Variants in ADGRB3 observed in about 807,000 individuals in gnomAD.
ADGRB3 encodes the protein adhesion G protein-coupled receptor B3, also known as brain-specific angiogenesis inhibitor 3.
Under a neutral mutation model 193.4 loss-of-function variants are expected in ADGRB3, and 37 were observed. That is an observed-to-expected ratio of 0.19 (90% confidence interval 0.15 to 0.25). The LOEUF is 0.25. Ranked by LOEUF, ADGRB3 falls within the 10% of genes least tolerant of loss-of-function variation. The pLI, the probability that ADGRB3 is intolerant of heterozygous loss-of-function variation, is 1.00. For missense variants in ADGRB3, 1,637 were observed against 1,852.9 expected, an observed-to-expected ratio of 0.88 and a Z score of 2.14; for synonymous variants, 690 against 644.2, an observed-to-expected ratio of 1.07 and a Z score of -1.08.
intron 3 of ADGRB3, among the ~76,000 whole-genome samples, chr6:68,899,750 A>G (rs1202070359): frequency 6.6e-6 from 1 of 152,174 alleles, no homozygotes; most frequent in East Asian, 1.9e-4. Context: ...GGACTAAAAC[A>G]TTAAATATTA....
intron 3 of ADGRB3, among the ~76,000 whole-genome samples, chr6:68,640,898 G>T (rs1235480640): frequency 6.6e-6 from 1 of 152,218 alleles, no homozygotes; most frequent in Admixed American, 6.5e-5. Flanking sequence ...AAAGATTTCT[G>T]CAGGTCAGTG....
chr6:68,955,833 A>C (rs1768055902), intron 6 of ADGRB3, among the ~76,000 whole-genome samples, 191 bp from the exon 7 acceptor site: 1 of 152,188 alleles, frequency 6.6e-6, no homozygotes, highest in Non-Finnish European at 1.5e-5. Context: ...ATAAAATAAA[A>C]TAAAAGTGGG....
intron 3 of ADGRB3, among the ~76,000 whole-genome samples, chr6:68,792,313 A>G (rs1767122525): frequency 6.6e-6 from 1 of 152,232 alleles, no homozygotes; most frequent in East Asian, 1.9e-4. Flanking sequence ...AGAAAAGTCA[A>G]ACCGAACAGT....
intron 26 of ADGRB3, among the ~76,000 whole-genome samples, chr6:69,350,338 T>G (rs1211360602): frequency 6.6e-6 from 1 of 151,928 alleles, no homozygotes; most frequent in African/African-American, 2.4e-5. Flanking sequence ...TAGATTGCCT[T>G]AAAGTCTCCT....
chr6:69,009,994 T>A (rs1413536827), intron 11 of ADGRB3, among the ~76,000 whole-genome samples: 2 of 152,150 alleles, frequency 1.3e-5, no homozygotes, highest in Non-Finnish European at 2.9e-5. Context: ...AAAACAGAAT[T>A]TTTTATTGCT....
rs1270654338 is a variant in ADGRB3 at position 69,127,407 on chromosome 6, T to C, written c.2480+51369T>C. Among the ~76,000 whole-genome samples, 4 of 152,226 alleles carry C rather than the reference T, an allele frequency of 2.6e-5. No homozygotes were observed. In the East Asian group the frequency reaches 7.7e-4, roughly 29 times the overall value. Reference sequence around the variant, plus strand: ...GGATGTCACAGAACTGTGGAATCATTTCCTGCTTATTGTCCTTTCTTTAAT... The same window carrying C: ...GGATGTCACAGAACTGTGGAATCATCTCCTGCTTATTGTCCTTTCTTTAAT... On this transcript the variant is annotated intron_variant, in intron 17 of 31. Transcript: ENST00000370598.
At chr6:69,002,222 CTTTTT>C (rs11284011) in intron 11 of ADGRB3, among the ~76,000 whole-genome samples, 1 of 138,500 alleles carries the variant, frequency 7.2e-6, no homozygotes. Context: ...CATCTTTTAT[CTTTTT>C]TTTTTTTTTT....
chr6:68,640,753 G>A (rs1043979052), intron 3 of ADGRB3, among the ~76,000 whole-genome samples: 4 of 152,180 alleles, frequency 2.6e-5, no homozygotes, highest in African/African-American at 4.8e-5. Flanking sequence ...ATGGAGAACC[G>A]AAATAGCCTA....
At chr6:68,681,386 T>G (rs925171372) in intron 3 of ADGRB3, among the ~76,000 whole-genome samples, 3 of 152,088 alleles carry the variant, frequency 2.0e-5, no homozygotes, top group African/African-American at 4.8e-5. Context: ...CTCAAGTGAT[T>G]CTCCCACCTC....
chr6:68,910,502 T>A (rs976202949), intron 3 of ADGRB3, among the ~76,000 whole-genome samples: 26 of 152,202 alleles, frequency 1.7e-4, no homozygotes, highest in African/African-American at 6.3e-4. Flanking sequence ...CTGAATGGTA[T>A]TGCCTAGGTT....
intron 20 of ADGRB3, among the ~76,000 whole-genome samples, chr6:69,278,352 A>T (rs1767347474): frequency 6.6e-6 from 1 of 152,248 alleles, no homozygotes. Context: ...AATGTTAATT[A>T]TAAGATAACT....
intron 3 of ADGRB3, among the ~76,000 whole-genome samples, chr6:68,781,602 T>C (rs1305064881): frequency 6.6e-6 from 1 of 152,044 alleles, no homozygotes; most frequent in Non-Finnish European, 1.5e-5. Flanking sequence ...TCATACCAGA[T>C]AAATCAATAG....
chr6:69,329,072 ATAT>A (rs1768649353), intron 22 of ADGRB3, among the ~76,000 whole-genome samples: 1 of 98,870 alleles, frequency 1.0e-5, no homozygotes, highest in Admixed American at 1.1e-4. Context: ...CTCTATTAGT[ATAT>A]CTTGAAAGAT....
intron 3 of ADGRB3, among the ~76,000 whole-genome samples, chr6:68,685,673 T>TC (rs1185255144): frequency 2.0e-5 from 3 of 151,330 alleles, no homozygotes; most frequent in Non-Finnish European, 2.9e-5. Flanking sequence ...GGTCAGGAGT[T>TC]CAAGACCAGC....
At chr6:68,700,912 T>C (rs1462399273) in intron 3 of ADGRB3, among the ~76,000 whole-genome samples, 1 of 151,914 alleles carries the variant, frequency 6.6e-6, no homozygotes, top group Non-Finnish European at 1.5e-5. Flanking sequence ...ATGGCACATG[T>C]ATACATATGT....
chr6:68,873,477 T>C (rs1036757076), intron 3 of ADGRB3, among the ~76,000 whole-genome samples: 30 of 152,052 alleles, frequency 2.0e-4, no homozygotes, highest in Admixed American at 1.8e-3. Context: ...ATATAACAGA[T>C]GTGATTTCTA....
intron 11 of ADGRB3, among the ~76,000 whole-genome samples, chr6:69,004,211 C>A (rs993551439): frequency 3.9e-5 from 6 of 152,108 alleles, no homozygotes; most frequent in African/African-American, 1.4e-4. Context: ...GTGACTTAAA[C>A]AACAAACATT....
intron 3 of ADGRB3, among the ~76,000 whole-genome samples, chr6:68,856,279 C>T (rs574457208): frequency 3.3e-5 from 5 of 152,178 alleles, no homozygotes; most frequent in Non-Finnish European, 7.4e-5. Context: ...TGAAAAGATA[C>T]CTGAAAATGT....
chr6:68,810,815 A>G (rs1767497913), intron 3 of ADGRB3, among the ~76,000 whole-genome samples: 1 of 152,174 alleles, frequency 6.6e-6, no homozygotes, highest in Admixed American at 6.5e-5. Context: ...AAAAATAGGA[A>G]AAATAATTAT....
Sources: allele counts gnomAD v4.1 joint callset (sites outside exome capture counted in the v4.1 genomes callset), GRCh38; gene constraint gnomAD v4.1.1; transcripts MANE v1.5; gene names NCBI Gene and HGNC (gene_info 2026-07-23, HGNC 2026-07-21).